The following RFX3 variants were observed in gnomAD, a reference collection of about 807,000 sequenced individuals.
RFX3 encodes transcription factor RFX3.
In RFX3, 14 loss-of-function variants were observed where a neutral mutation model predicts 98.6. That is an observed-to-expected ratio of 0.14 (90% CI 0.09 to 0.22). The LOEUF is 0.22. Ranked by LOEUF, RFX3 falls within the 10% of genes least tolerant of loss-of-function variation. RFX3 has a pLI of 1.00. For missense variants in RFX3, 639 were observed against 926.9 expected, an observed-to-expected ratio of 0.69 and a Z score of 4.03; for synonymous variants, 383 against 328.4, an observed-to-expected ratio of 1.17 and a Z score of -1.80.
chr9:3,407,695 A>C (rs1020124585), intron 1 of RFX3, among the ~76,000 whole-genome samples: 8 of 152,204 alleles, frequency 5.3e-5, no homozygotes, highest in Non-Finnish European at 1.2e-4. Context: ...TATGGGAATT[A>C]GATATGCTAT....
chr9:3,374,718 T>C (rs1216619222), intron 2 of RFX3, among the ~76,000 whole-genome samples: 1 of 152,048 alleles, frequency 6.6e-6, no homozygotes, highest in Admixed American at 6.5e-5. Flanking sequence ...GAAATTGTAA[T>C]GGGTAGAGAG....
chr9:3,512,410 T>C (rs1008445544), intron 1 of RFX3, among the ~76,000 whole-genome samples: 8 of 152,014 alleles, frequency 5.3e-5, no homozygotes, highest in African/African-American at 1.9e-4. Flanking sequence ...TAGGAATATA[T>C]ACATTTATGG....
chr9:3,292,712 T>A (rs1827542841), intron 6 of RFX3, among the ~76,000 whole-genome samples: 1 of 149,116 alleles, frequency 6.7e-6, no homozygotes. Context: ...ATCATTAGTA[T>A]GATTTCTTTC....
At chr9:3,389,028 C>T (rs1420645625) in intron 2 of RFX3, among the ~76,000 whole-genome samples, 1 of 152,044 alleles carries the variant, frequency 6.6e-6, no homozygotes, top group Non-Finnish European at 1.5e-5. Flanking sequence ...AATCTTAGAG[C>T]CATGGTCAAG....
intron 1 of RFX3, among the ~76,000 whole-genome samples, chr9:3,518,100 G>A (rs1165392263): frequency 2.0e-5 from 3 of 152,156 alleles, no homozygotes; most frequent in Admixed American, 6.5e-5. Context: ...GTTTATAGAC[G>A]AGAACAATAT....
intron 7 of RFX3, among the ~76,000 whole-genome samples, chr9:3,280,158 G>C (rs1257829961): frequency 2.0e-5 from 3 of 151,740 alleles, no homozygotes; most frequent in Admixed American, 1.3e-4. Context: ...ATTCATTCTT[G>C]GTTGCTTGGC....
At chr9:3,270,570 TA>T (rs1252099717) in intron 10 of RFX3, 45 bp from the exon 11 acceptor site, 1 of 1,574,132 alleles carries the variant, frequency 6.4e-7, no homozygotes, top group South Asian at 1.2e-5. Flanking sequence ...CAAATGAGGA[TA>T]AAAAAGAAAA....
At chr9:3,411,463 A>G (rs945061160) in intron 1 of RFX3, among the ~76,000 whole-genome samples, 3 of 151,978 alleles carry the variant, frequency 2.0e-5, no homozygotes, top group Non-Finnish European at 2.9e-5. Context: ...CCCAGGTTCA[A>G]GGAATTCTCC....
chr9:3,359,976 T>C (rs1393476601), intron 2 of RFX3, among the ~76,000 whole-genome samples: 2 of 152,190 alleles, frequency 1.3e-5, no homozygotes, highest in African/African-American at 4.8e-5. Context: ...TTTTCTATTT[T>C]AGTTGCCATT....
Position 3,224,935 on chromosome 9 carries a change from C to T in RFX3, c.*107G>A, listed in dbSNP as rs1044039238. The T allele has an allele frequency of 8.0e-6, 9 of 1,121,946 alleles. No homozygotes were observed. The highest frequency in any genetic ancestry group is 1.0e-5 in the Non-Finnish European group (8 of 767,398). 69.5% of individuals were successfully genotyped at this position (1,121,946 alleles called of 1,614,324 possible). A position where few individuals can be genotyped will look rare whatever the true frequency, so the allele number is the denominator to read the frequency against. On this transcript the variant is annotated 3_prime_UTR_variant, in exon 17 of 17. Coordinates refer to ENST00000617270, the MANE Select transcript of RFX3 (RefSeq NM_001282116.2). ...ACAACTCCAAAAAGTTAATGTTCAG[C>T]ACAGATAGAATTTGACAACAGTCGA... is the stretch of plus-strand genomic sequence containing the variant.
chr9:3,306,940 T>C (rs1309541829), intron 4 of RFX3, among the ~76,000 whole-genome samples: 4 of 151,982 alleles, frequency 2.6e-5, no homozygotes, highest in African/African-American at 9.7e-5. Flanking sequence ...ATAATTCCCA[T>C]GTGTTGTGGG....
chr9:3,407,545 G>A (rs1278635953), intron 1 of RFX3, among the ~76,000 whole-genome samples: 1 of 152,008 alleles, frequency 6.6e-6, no homozygotes, highest in African/African-American at 2.4e-5. Flanking sequence ...CTAAGTCAAG[G>A]AGCAACATGT....
At chr9:3,458,377 C>T (rs1413007413) in intron 1 of RFX3, among the ~76,000 whole-genome samples, 4 of 152,106 alleles carry the variant, frequency 2.6e-5, no homozygotes, top group Non-Finnish European at 5.9e-5. Context: ...TAGAGCATAA[C>T]ACAAGTATTA....
chr9:3,249,047 T>C (rs1484538321), intron 14 of RFX3, among the ~76,000 whole-genome samples: 1 of 152,122 alleles, frequency 6.6e-6, no homozygotes, highest in Non-Finnish European at 1.5e-5. Context: ...TGTGAGTGTG[T>C]GTATGTGTGT....
chr9:3,276,800 T>C (rs943568593), intron 8 of RFX3, among the ~76,000 whole-genome samples: 11 of 152,048 alleles, frequency 7.2e-5, no homozygotes, highest in African/African-American at 2.2e-4. Flanking sequence ...TTTTTGCCCC[T>C]TTGGCTATGG....
intron 2 of RFX3, among the ~76,000 whole-genome samples, chr9:3,356,654 A>C (rs922111596): frequency 6.6e-6 from 1 of 151,908 alleles, no homozygotes; most frequent in African/African-American, 2.4e-5. Context: ...GTGAGACCCA[A>C]ACTAGAAAAG....
In RFX3 at chr9:3,275,580, C is replaced by T; in HGVS notation, c.1006G>A (p.Val336Ile). Residue 336 changes from valine to isoleucine, a missense_variant, in exon 9 of 17, where the codon GTT becomes ATT. Transcript: ENST00000617270. ...ASRALPEFGEVEISSLPDGTT... is the reference protein window; with the variant it reads ...ASRALPEFGEIEISSLPDGTT... ...CCATCTGGCAGAGAAGAGATTTCAA[C>T]TTCTCCAAACTCTGGAAGTGCTCGA... The T allele has an allele frequency of 6.2e-7, 1 of 1,612,294 alleles. No individual in the cohort carries two copies. Among genetic ancestry groups the T allele is most frequent in the Non-Finnish European group, 8.5e-7 (1 of 1,178,630 alleles).
chr9:3,267,972 CTTGTT>C (rs1161589716), intron 11 of RFX3, among the ~76,000 whole-genome samples: 1 of 151,660 alleles, frequency 6.6e-6, no homozygotes, highest in Non-Finnish European at 1.5e-5. Context: ...TATTACGGGC[CTTGTT>C]TTATCTAGAT....
At chr9:3,381,943 T>C (rs553796027) in intron 2 of RFX3, among the ~76,000 whole-genome samples, 1 of 152,324 alleles carries the variant, frequency 6.6e-6, no homozygotes, top group South Asian at 2.1e-4. Flanking sequence ...TTTGTTTGTT[T>C]GCTTGTTGTT....
Sources: gnomAD v4.1 joint callset for allele counts (sites outside exome capture counted in the v4.1 genomes callset) on GRCh38, gnomAD v4.1.1 for gene constraint, MANE v1.5 for transcripts, NCBI Gene and HGNC (gene_info 2026-07-23, HGNC 2026-07-21) for gene names.